Variants in PHF24 observed in about 807,000 individuals in gnomAD.
The protein encoded by PHF24 is Galpha inhibitory interacting protein.
PHF24 carries 25 observed loss-of-function variants against 42.6 expected under a neutral mutation model. The ratio of observed to expected loss-of-function variants is 0.59; its 90% CI spans 0.43 to 0.82. The LOEUF (loss-of-function observed/expected upper bound fraction) is 0.82. Ranked by LOEUF, PHF24 falls within the 40% of genes least tolerant of loss-of-function variation. PHF24 has a pLI of 0.00. For synonymous variants in PHF24, 185 were observed against 204.8 expected, an observed-to-expected ratio of 0.90 and a Z score of 0.83; for missense variants, 470 against 538.1, an observed-to-expected ratio of 0.87 and a Z score of 1.25.
chr9:34,905,425 G>A, the PHF24 span, among the ~76,000 whole-genome samples: 1 of 152,228 alleles, frequency 6.6e-6, no homozygotes, highest in African/African-American at 2.4e-5. Context: ...GGATATAAAA[G>A]TATGTAGAAG....
the PHF24 span, among the ~76,000 whole-genome samples, chr9:34,913,710 A>G: frequency 7.2e-5 from 11 of 152,076 alleles, no homozygotes; most frequent in Non-Finnish European, 1.2e-4. Flanking sequence ...GACTCCTCCA[A>G]TCTCCTGCCT....
chr9:34,795,259 GA>G, the PHF24 span, among the ~76,000 whole-genome samples: 16 of 144,214 alleles, frequency 1.1e-4, no homozygotes, highest in South Asian at 2.2e-4. Flanking sequence ...GAGAGAGAGA[GA>G]AAAAAAAAAC....
At chr9:34,820,904 T>G in the PHF24 span, among the ~76,000 whole-genome samples, 1 of 152,238 alleles carries the variant, frequency 6.6e-6, no homozygotes, top group African/African-American at 2.4e-5. Context: ...TGTTATTTTT[T>G]GACTTTTTAA....
chr9:34,692,892 T>G, the PHF24 span, among the ~76,000 whole-genome samples: 1 of 150,340 alleles, frequency 6.7e-6, no homozygotes, highest in African/African-American at 2.4e-5. Flanking sequence ...GCTCAAGGGA[T>G]TCTCCTGCCT....
At chr9:34,689,349 G>A in the PHF24 span, among the ~76,000 whole-genome samples, 2 of 152,116 alleles carry the variant, frequency 1.3e-5, no homozygotes, top group African/African-American at 2.4e-5. The surrounding 1 kb of genome is among the most constrained non-coding windows in gnomAD (Gnocchi z 4.1). Flanking sequence ...GAGAGCATCA[G>A]GTTGTTAAGT....
chr9:34,672,639 G>A, the PHF24 span, among the ~76,000 whole-genome samples: 7 of 151,988 alleles, frequency 4.6e-5, no homozygotes, highest in African/African-American at 1.7e-4. Flanking sequence ...GTCCTAGCCC[G>A]TGTCTTTTCT....
chr9:34,871,944 G>A, the PHF24 span, among the ~76,000 whole-genome samples: 1 of 152,110 alleles, frequency 6.6e-6, no homozygotes, highest in Admixed American at 6.5e-5. Context: ...TATTGGGATT[G>A]CATCAAAGCT....
chr9:34,976,585 A>G (rs1827194255), exon 5 of PHF24: 20 of 1,614,060 alleles, frequency 1.2e-5, no homozygotes, highest in Non-Finnish European at 1.7e-5. Context: ...CCAAGCAGCC[A>G]AGCGGGGGGA....
chr9:34,892,622 G>A, the PHF24 span: 1 of 443,442 alleles, frequency 2.3e-6, no homozygotes, highest in Non-Finnish European at 4.0e-6. Context: ...CTGGGTTCAG[G>A]GAAAGAAAGG....
the PHF24 span, among the ~76,000 whole-genome samples, chr9:34,940,534 T>C: frequency 1.3e-5 from 2 of 152,142 alleles, no homozygotes; most frequent in Admixed American, 6.6e-5. Context: ...GAAAGATCAG[T>C]TGAGGCCAGG....
At chr9:34,833,805 C>G in the PHF24 span, 1 of 1,551,620 alleles carries the variant, frequency 6.4e-7, no homozygotes. Flanking sequence ...ATACACTGTT[C>G]TTCAAATGAA....
At chr9:34,736,821 T>A in the PHF24 span, among the ~76,000 whole-genome samples, 24 of 152,324 alleles carry the variant, frequency 1.6e-4, no homozygotes, top group South Asian at 4.8e-3. Flanking sequence ...ATCAAATCTA[T>A]GTAAGCTAGA....
At chr9:34,875,685 T>G in the PHF24 span, among the ~76,000 whole-genome samples, 1 of 152,128 alleles carries the variant, frequency 6.6e-6, no homozygotes. Flanking sequence ...GACAATTTAA[T>G]TGGTCATGTG....
rs1393906522 is a variant in PHF24, at chr9:34,977,886, G to A, written c.1107-129G>A. On this transcript the variant is annotated intron_variant, in intron 7 of 7. Coordinates refer to ENST00000242315, the Ensembl canonical transcript of PHF24. ...CTTCCCTGAGTTTTGTGTAGCTCAA[G>A]CCATGCTGCCCCTGGGATCAGGGCT... 6 of 807,998 alleles carry A rather than the reference G, an allele frequency of 7.4e-6. No individual in the cohort carries two copies. The South Asian group carries it at 9.0e-5, about 12-fold the overall frequency. The allele number at this position is 807,998 out of a possible 1,614,324, so 50.1% of individuals were successfully genotyped here.
chr9:34,901,375 A>G, the PHF24 span, among the ~76,000 whole-genome samples: 1 of 152,240 alleles, frequency 6.6e-6, no homozygotes, highest in East Asian at 1.9e-4. Flanking sequence ...GCAACATATA[A>G]TTGGTAGGAA....
chr9:34,879,391 A>G, the PHF24 span, among the ~76,000 whole-genome samples: 2,830 of 152,320 alleles, frequency 0.019, 103 homozygotes, highest in African/African-American at 0.065. Flanking sequence ...AAGGCTTCAG[A>G]TGATAGGTAA....
the PHF24 span, among the ~76,000 whole-genome samples, chr9:34,938,974 TA>T: frequency 1.4e-5 from 2 of 144,406 alleles, no homozygotes; most frequent in South Asian, 2.2e-4. Context: ...GTGATTTATT[TA>T]AAAAAAAATA....
At chr9:34,726,763 G>C in the PHF24 span, 41 of 1,551,604 alleles carry the variant, frequency 2.6e-5, no homozygotes, top group Non-Finnish European at 3.3e-5. Context: ...GCTCTCTGGT[G>C]TGCCAGGAAT....
the PHF24 span, among the ~76,000 whole-genome samples, chr9:34,832,012 T>C: frequency 6.6e-6 from 1 of 152,166 alleles, no homozygotes; most frequent in African/African-American, 2.4e-5. Context: ...ACCATCTGAA[T>C]TGTGGGTTAA....
Sources: allele counts gnomAD v4.1 joint callset (sites outside exome capture counted in the v4.1 genomes callset), GRCh38; gene constraint gnomAD v4.1.1; non-coding constraint Gnocchi (gnomAD v3.1); transcripts MANE v1.5; gene names NCBI Gene and HGNC (gene_info 2026-07-23, HGNC 2026-07-21).